The following CSGALNACT1 variants were observed in gnomAD, a reference collection of about 807,000 sequenced individuals.
The protein encoded by CSGALNACT1 is chondroitin sulfate N-acetylgalactosaminyltransferase 1.
In CSGALNACT1, 52 loss-of-function variants were observed where a neutral mutation model predicts 51.0. The ratio of observed to expected loss-of-function variants is 1.02; its 90% CI spans 0.82 to 1.29. The LOEUF is 1.29. CSGALNACT1 is among the 50% of genes most tolerant of loss of function. The probability of loss-of-function intolerance (pLI) is 0.00; values close to 1 mark genes in which losing one functional copy is unlikely to be tolerated. For missense variants in CSGALNACT1, 935 were observed against 679.2 expected (o/e 1.38, Z -4.19); for synonymous variants, 341 against 254.4 (o/e 1.34, Z -3.24).
intron 3 of CSGALNACT1, among the ~76,000 whole-genome samples, chr8:19,556,413 G>C (rs2039445797): frequency 6.6e-6 from 1 of 151,740 alleles, no homozygotes; most frequent in South Asian, 2.1e-4. Flanking sequence ...ATTTTATTAT[G>C]GAACAAAATC....
At chr8:19,458,481 T>G (rs2064623234) in exon 5 of CSGALNACT1, 1 of 1,614,124 alleles carries the variant, frequency 6.2e-7, no homozygotes, top group Admixed American at 1.7e-5. Flanking sequence ...AGAGGCACGA[T>G]AACATTGATA....
intron 1 of CSGALNACT1, among the ~76,000 whole-genome samples, chr8:19,722,551 G>A (rs1278337607): frequency 6.6e-6 from 1 of 152,132 alleles, no homozygotes; most frequent in Non-Finnish European, 1.5e-5. Flanking sequence ...TTTGCACATG[G>A]TCTCCCCAGC....
intron 3 of CSGALNACT1, among the ~76,000 whole-genome samples, chr8:19,586,819 G>T (rs557854575): frequency 6.6e-6 from 1 of 152,190 alleles, no homozygotes; most frequent in Non-Finnish European, 1.5e-5. Context: ...CTTTACTTTA[G>T]AACTCCCAGA....
chr8:19,643,205 T>G (rs1254320130), intron 1 of CSGALNACT1, among the ~76,000 whole-genome samples: 1 of 152,152 alleles, frequency 6.6e-6, no homozygotes, highest in Non-Finnish European at 1.5e-5. Flanking sequence ...AATTAAACAT[T>G]AAAAAATAAT....
intron 1 of CSGALNACT1, among the ~76,000 whole-genome samples, chr8:19,632,034 T>C (rs2055335643): frequency 6.6e-6 from 1 of 152,240 alleles, no homozygotes; most frequent in South Asian, 2.1e-4. Flanking sequence ...GGAAGATATT[T>C]TCTTACTATA....
chr8:19,454,078 C>T (rs2063656677), intron 5 of CSGALNACT1, among the ~76,000 whole-genome samples: 1 of 152,174 alleles, frequency 6.6e-6, no homozygotes, highest in African/African-American at 2.4e-5. Flanking sequence ...TACACTTCAC[C>T]AGATCATTTA....
exon 10 of CSGALNACT1, chr8:19,405,773 T>C: frequency 6.2e-7 from 1 of 1,614,154 alleles, no homozygotes; most frequent in Non-Finnish European, 8.5e-7. Context: ...AATCCTTCTC[T>C]GGGAGTTCAT....
At chr8:19,598,824 G>A (rs1588900904) in intron 2 of CSGALNACT1, among the ~76,000 whole-genome samples, 1 of 152,236 alleles carries the variant, frequency 6.6e-6, no homozygotes, top group African/African-American at 2.4e-5. Flanking sequence ...GGTGGTGCCA[G>A]AGGACTAAGT....
At chr8:19,550,881 C>G (rs1195441055) in intron 3 of CSGALNACT1, among the ~76,000 whole-genome samples, 5 of 152,140 alleles carry the variant, frequency 3.3e-5, no homozygotes, top group Non-Finnish European at 7.4e-5. Context: ...ATGCTTTACC[C>G]CTACTCTCAT....
intron 4 of CSGALNACT1, among the ~76,000 whole-genome samples, chr8:19,491,899 T>C (rs1181370189): frequency 6.6e-6 from 1 of 152,222 alleles, no homozygotes; most frequent in African/African-American, 2.4e-5. Flanking sequence ...ATTAGCAATT[T>C]TTCAAGCATT....
intron 1 of CSGALNACT1, among the ~76,000 whole-genome samples, chr8:19,693,306 C>T (rs1435925595): frequency 6.6e-6 from 1 of 151,982 alleles, no homozygotes; most frequent in Non-Finnish European, 1.5e-5. Context: ...CCTCTACAGT[C>T]CCAGGTGCTT....
At position 19,474,532 on chromosome 8, in the gene CSGALNACT1, G is replaced by C. The variant is rs553492838; in HGVS notation, c.635-15890C>G. Among the ~76,000 whole-genome samples the C allele has an allele frequency of 4.3e-4, 65 of 152,180 alleles. No homozygotes were observed. In the South Asian group the frequency reaches 5.0e-3, roughly 12 times the overall value. On this transcript the variant is annotated intron_variant, in intron 4 of 9. Coordinates refer to ENST00000454498, the Ensembl canonical transcript of CSGALNACT1. ...GTGAATGGAGAGATATGCTTCGGCT[G>C]ACCCATCAATCCAATAACTTATTCA...
At chr8:19,535,207 T>C (rs1332018888) in intron 3 of CSGALNACT1, among the ~76,000 whole-genome samples, 3 of 151,998 alleles carry the variant, frequency 2.0e-5, no homozygotes, top group South Asian at 2.1e-4. Context: ...GAAAAAAAAA[T>C]AGAAAAGAAA....
intron 1 of CSGALNACT1, among the ~76,000 whole-genome samples, chr8:19,719,316 G>C (rs555074987): frequency 6.6e-6 from 1 of 152,108 alleles, no homozygotes; most frequent in Non-Finnish European, 1.5e-5. Context: ...CCCATGCCTG[G>C]CACAGACTCC....
chr8:19,451,825 G>A (rs1212588716), intron 5 of CSGALNACT1, among the ~76,000 whole-genome samples: 1 of 152,070 alleles, frequency 6.6e-6, no homozygotes, highest in South Asian at 2.1e-4. Context: ...ATAATAATCC[G>A]CATAGAACTG....
intron 1 of CSGALNACT1, among the ~76,000 whole-genome samples, chr8:19,652,795 G>A (rs979817107): frequency 1.3e-5 from 2 of 152,074 alleles, no homozygotes; most frequent in Admixed American, 6.6e-5. Context: ...ATATTTCTCT[G>A]CTATTAACAT....
chr8:19,746,455 G>A (rs1479466892), intron 1 of CSGALNACT1, among the ~76,000 whole-genome samples: 1 of 152,130 alleles, frequency 6.6e-6, no homozygotes, highest in African/African-American at 2.4e-5. Context: ...TAAGGAACCT[G>A]GGTTCTATTC....
chr8:19,649,277 T>C (rs1010790232), intron 1 of CSGALNACT1, among the ~76,000 whole-genome samples: 5 of 152,130 alleles, frequency 3.3e-5, no homozygotes, highest in East Asian at 1.9e-4. Context: ...AGTGTAGATA[T>C]TAGCTATGAA....
intron 6 of CSGALNACT1, among the ~76,000 whole-genome samples, chr8:19,437,858 C>A (rs2060634655): frequency 1.3e-5 from 2 of 152,174 alleles, no homozygotes; most frequent in Non-Finnish European, 2.9e-5. Flanking sequence ...CTCTACCACT[C>A]AAATGATTTT....
Sources: gnomAD v4.1 joint callset for allele counts (sites outside exome capture counted in the v4.1 genomes callset) on GRCh38, gnomAD v4.1.1 for gene constraint, MANE v1.5 for transcripts, NCBI Gene and HGNC (gene_info 2026-07-23, HGNC 2026-07-21) for gene names.